The following AMPH variants were observed in gnomAD, a reference collection of about 807,000 sequenced individuals.
AMPH encodes the protein amphiphysin (Stiff-Mann syndrome with breast cancer 128kD autoantigen).
Under a neutral mutation model 99.1 loss-of-function variants are expected in AMPH, and 49 were observed. The observed-to-expected ratio is 0.49, with a 90% CI of 0.39 to 0.63. AMPH has a LOEUF of 0.63. Ranked by LOEUF, AMPH falls within the 20% of genes least tolerant of loss-of-function variation. The probability of loss-of-function intolerance (pLI) is 0.00; values close to 1 mark genes in which losing one functional copy is unlikely to be tolerated. For missense variants in AMPH, 759 were observed against 863.4 expected, an observed-to-expected ratio of 0.88 and a Z score of 1.52; for synonymous variants, 314 against 317.3, an observed-to-expected ratio of 0.99 and a Z score of 0.11.
In AMPH at chr7:38,631,299, T is replaced by C. The variant is rs1157786301; in HGVS notation, c.53A>G (p.Asn18Ser). The C allele has an allele frequency of 1.3e-6, 2 of 1,537,852 alleles. No homozygotes were observed. The highest frequency in any genetic ancestry group is 1.8e-6 in the Non-Finnish European group (2 of 1,142,492). Reference sequence around the variant, plus strand: ...GCCGCTGACCTTTTCCTGCGCGCGGTTGAGTCGCTTCTGGACGTTCTTGGC... The same window carrying C: ...GCCGCTGACCTTTTCCTGCGCGCGGCTGAGTCGCTTCTGGACGTTCTTGGC... The part of the protein sequence containing the change: ...IFAKNVQKRL[N>S]RAQEKVLQKL... Residue 18 changes from asparagine (N) to serine (S), a missense_variant, in exon 1 of 21, where the codon AAC (asparagine) becomes AGC (serine). By Grantham distance (46) the Asn-to-Ser change is conservative (BLOSUM62 1). Transcript: ENST00000356264.
chr7:38,422,600 A>ATCTATCTG (rs778160692), intron 15 of AMPH, 123 bp from the exon 16 acceptor site: 1 of 692,790 alleles, frequency 1.4e-6, no homozygotes, highest in African/African-American at 2.6e-5. Flanking sequence ...CTATCTATCT[A>ATCTATCTG]TCCATCTATC....
intron 15 of AMPH, 115 bp from the exon 16 acceptor site, chr7:38,422,592 A>G (rs1182275501): frequency 2.7e-5 from 21 of 773,758 alleles, no homozygotes; most frequent in Non-Finnish European, 3.7e-5. Context: ...CTATCTATCT[A>G]TCTATCTATC....
chr7:38,580,495 A>T (rs764051299), intron 1 of AMPH, among the ~76,000 whole-genome samples: 12 of 152,044 alleles, frequency 7.9e-5, no homozygotes, highest in Non-Finnish European at 1.5e-4. Context: ...TCCAGGTTGG[A>T]CGTCCTCCCA....
intron 18 of AMPH, among the ~76,000 whole-genome samples, chr7:38,392,936 T>A (rs1007964459): frequency 2.0e-5 from 3 of 152,366 alleles, no homozygotes; most frequent in Admixed American, 6.5e-5. Flanking sequence ...AGTACTCTAG[T>A]GTCTGAACCA....
rs142788292 is a variant in AMPH, at chr7:38,494,117, C to T, written c.300+316G>A. Among the ~76,000 whole-genome samples, 529 of 152,102 alleles carry T rather than the reference C, an allele frequency of 3.5e-3. 4 individuals are homozygous for T. The highest frequency in any genetic ancestry group is 0.012 in the African/African-American group (485 of 41,498). On this transcript the variant is annotated intron_variant, in intron 4 of 20. Coordinates refer to ENST00000356264, the MANE Select transcript of AMPH (RefSeq NM_001635.4). Reference sequence around the variant, plus strand: ...GATTACAGGCGTGTGCCACCATGCCCGGCTAATTTTTTTGTATTTTTAGTG... The same window carrying T: ...GATTACAGGCGTGTGCCACCATGCCTGGCTAATTTTTTTGTATTTTTAGTG...
chr7:38,613,929 A>G (rs1793773412), intron 1 of AMPH, among the ~76,000 whole-genome samples: 1 of 152,156 alleles, frequency 6.6e-6, no homozygotes, highest in Admixed American at 6.5e-5. Flanking sequence ...ATGCTCCTCC[A>G]TGCTCATATT....
chr7:38,620,606 T>G (rs1794027852), intron 1 of AMPH, among the ~76,000 whole-genome samples: 1 of 150,602 alleles, frequency 6.6e-6, no homozygotes, highest in African/African-American at 2.4e-5. Context: ...ATTGATTAAA[T>G]GTTGATTAAA....
intron 2 of AMPH, among the ~76,000 whole-genome samples, chr7:38,515,613 A>G (rs1365995914): frequency 6.6e-6 from 1 of 152,206 alleles, no homozygotes; most frequent in African/African-American, 2.4e-5. Context: ...GAATGAAATA[A>G]TATGAATAAT....
intron 1 of AMPH, among the ~76,000 whole-genome samples, chr7:38,629,818 G>C (rs372958926): frequency 6.6e-6 from 1 of 152,136 alleles, no homozygotes; most frequent in Non-Finnish European, 1.5e-5. Context: ...CAAGTAACCC[G>C]GGCCTGGAAG....
intron 12 of AMPH, among the ~76,000 whole-genome samples, chr7:38,436,056 C>T (rs1271029276): frequency 1.3e-5 from 2 of 152,112 alleles, no homozygotes; most frequent in Non-Finnish European, 2.9e-5. Flanking sequence ...TATGGTTATG[C>T]CAGCTCTATG....
At chr7:38,458,857 G>C (rs1285125767) in intron 11 of AMPH, among the ~76,000 whole-genome samples, 4 of 152,144 alleles carry the variant, frequency 2.6e-5, no homozygotes, top group Admixed American at 6.5e-5. Flanking sequence ...AGCACTGGAA[G>C]TCCTAGCCAG....
At chr7:38,500,337 G>C (rs746040821) in intron 3 of AMPH, among the ~76,000 whole-genome samples, 1 of 152,028 alleles carries the variant, frequency 6.6e-6, no homozygotes, top group Non-Finnish European at 1.5e-5. Context: ...TTGGAGCATC[G>C]CTTGTTAACA....
chr7:38,501,834 C>A (rs75128120), intron 3 of AMPH, among the ~76,000 whole-genome samples: 2,755 of 152,066 alleles, frequency 0.018, 106 homozygotes, highest in East Asian at 0.18. Context: ...TCCAGAAAAG[C>A]TATCCTCCCA....
At chr7:38,481,221 A>C (rs1387095928) in intron 5 of AMPH, among the ~76,000 whole-genome samples, 1 of 152,124 alleles carries the variant, frequency 6.6e-6, no homozygotes, top group Non-Finnish European at 1.5e-5. Context: ...CAAATCTCCT[A>C]AATAAGGGTA....
chr7:38,490,263 C>T (rs1788671103), intron 5 of AMPH, among the ~76,000 whole-genome samples: 1 of 152,116 alleles, frequency 6.6e-6, no homozygotes, highest in Admixed American at 6.5e-5. Flanking sequence ...CACTTTGCTG[C>T]CTAATATGGT....
intron 11 of AMPH, among the ~76,000 whole-genome samples, chr7:38,459,789 T>C (rs1224207861): frequency 1.3e-5 from 2 of 151,636 alleles, no homozygotes; most frequent in Non-Finnish European, 1.5e-5. Context: ...TTAAGGAAAA[T>C]TGCATGGGTA....
intron 1 of AMPH, among the ~76,000 whole-genome samples, chr7:38,547,154 C>T (rs981349365): frequency 6.6e-6 from 1 of 152,132 alleles, no homozygotes; most frequent in African/African-American, 2.4e-5. Flanking sequence ...AAAGCTCCCT[C>T]CCCTTGCTTT....
intron 11 of AMPH, among the ~76,000 whole-genome samples, chr7:38,436,903 C>T (rs1297506418): frequency 2.6e-5 from 4 of 152,120 alleles, no homozygotes; most frequent in Admixed American, 2.6e-4. Flanking sequence ...GTACCCTACC[C>T]CTTGATTTGG....
intron 2 of AMPH, among the ~76,000 whole-genome samples, chr7:38,521,426 C>G (rs1004556970): frequency 3.3e-5 from 5 of 152,114 alleles, no homozygotes; most frequent in Admixed American, 6.5e-5. Flanking sequence ...GAGGCTGAGG[C>G]AGGAGAATCG....
Sources: gnomAD v4.1 joint callset for allele counts (sites outside exome capture counted in the v4.1 genomes callset) on GRCh38, gnomAD v4.1.1 for gene constraint, MANE v1.5 for transcripts, NCBI Gene and HGNC (gene_info 2026-07-23, HGNC 2026-07-21) for gene names.